SFXN1: variants seen among roughly 807,000 people sequenced by gnomAD.
SFXN1 encodes the protein sideroflexin 1, also known as sideroflexin-1.
A neutral mutation model predicts 39.5 loss-of-function variants in SFXN1; 32 were observed. The observed-to-expected ratio is 0.81, with a 90% CI of 0.61 to 1.09. The LOEUF (loss-of-function observed/expected upper bound fraction) is 1.09. SFXN1 is among the 50% of genes least tolerant of loss of function. The pLI, the probability that SFXN1 is intolerant of heterozygous loss-of-function variation, is 0.00. For missense variants in SFXN1, 402 were observed against 407.1 expected (o/e 0.99, Z 0.11); for synonymous variants, 136 against 146.5 (o/e 0.93, Z 0.52).
chr5:175,480,388 A>T (rs185471954), intron 1 of SFXN1, among the ~76,000 whole-genome samples: 1 of 151,652 alleles, frequency 6.6e-6, no homozygotes, highest in Middle Eastern at 3.2e-3. Context: ...GCGACAGAGC[A>T]AGACTCCGTC....
At chr5:175,515,056 T>C (rs1195646447) in intron 7 of SFXN1, among the ~76,000 whole-genome samples, 1 of 152,088 alleles carries the variant, frequency 6.6e-6, no homozygotes, top group Non-Finnish European at 1.5e-5. Flanking sequence ...GCCCTGTCCC[T>C]CAGGCTGGAG....
Position 175,510,126 on chromosome 5 carries a change from T to C in SFXN1, c.353T>C (p.Leu118Pro). 2 of 1,613,042 alleles carry C rather than the reference T, an allele frequency of 1.2e-6. No individual in the cohort carries two copies. The highest frequency in any genetic ancestry group is 1.1e-5 in the South Asian group (1 of 90,742). The change falls in exon 4 of 11, where the codon CTG becomes CCG. Residue 118 changes from leucine to proline, a missense_variant. Coordinates refer to ENST00000321442, the MANE Select transcript of SFXN1 (RefSeq NM_022754.7). ...TGTTTTAGGACTACGCCGGCTGTGC[T>C]GTTCTGGCAGTGGATTAACCAGTCC... ...MTFYRTTPAV[L>P]FWQWINQSFN...
chr5:175,526,520 A>G, intron 10 of SFXN1, 118 bp from the exon 11 acceptor site: 6 of 709,444 alleles, frequency 8.5e-6, no homozygotes, highest in Non-Finnish European at 1.5e-5. Flanking sequence ...CATTTCTCCA[A>G]CAAGACCCAC....
In SFXN1 at chr5:175,529,738, A is replaced by G. The variant is rs1275049875; in HGVS notation, c.*3004A>G. ...AATGTTAAATAAACTCAGAATGAAA[A>G]TAAATTCTCTCTTTTATTTGTACAT... On this transcript the variant is annotated 3_prime_UTR_variant, in exon 11 of 11. Transcript: ENST00000321442. 6.6e-6 allele frequency: 1 copy of G among 152,212 alleles called. No homozygotes were observed. Among genetic ancestry groups the G allele is most frequent in the African/African-American group, 2.4e-5 (1 of 41,438 alleles). 9.4% of individuals were successfully genotyped at this position (152,212 alleles called of 1,614,324 possible).
At chr5:175,502,499 T>G (rs1303821685) in intron 2 of SFXN1, among the ~76,000 whole-genome samples, 1 of 152,232 alleles carries the variant, frequency 6.6e-6, no homozygotes, top group Non-Finnish European at 1.5e-5. Flanking sequence ...TTTCCTTAGT[T>G]ATAATTTTGC....
intron 8 of SFXN1, among the ~76,000 whole-genome samples, chr5:175,517,606 T>C (rs896838853): frequency 9.9e-5 from 15 of 152,158 alleles, no homozygotes; most frequent in African/African-American, 3.6e-4. Context: ...ACTCCCCAAG[T>C]TCACAGTTGC....
At chr5:175,486,755 G>C (rs1321054533) in intron 1 of SFXN1, among the ~76,000 whole-genome samples, 1 of 152,130 alleles carries the variant, frequency 6.6e-6, no homozygotes, top group Non-Finnish European at 1.5e-5. Flanking sequence ...TCCAGCCTGG[G>C]TGACAGAGTG....
At chr5:175,522,269 C>T in intron 9 of SFXN1, 106 bp from the exon 10 acceptor site, 9 of 1,159,470 alleles carry the variant, frequency 7.8e-6, no homozygotes, top group South Asian at 1.7e-5. Context: ...CAACACAGAA[C>T]GTAATGCTCT....
intron 2 of SFXN1, among the ~76,000 whole-genome samples, chr5:175,500,464 G>GA (rs1466666197): frequency 7.0e-6 from 1 of 142,758 alleles, no homozygotes; most frequent in Non-Finnish European, 1.5e-5. Flanking sequence ...AAATTACAGA[G>GA]AAAAAAACAG....
chr5:175,504,020 AGGG>A (rs1760193744), intron 2 of SFXN1, among the ~76,000 whole-genome samples: 1 of 147,674 alleles, frequency 6.8e-6, no homozygotes, highest in Non-Finnish European at 1.5e-5. Context: ...AAAAAAAAAA[AGGG>A]ATCCTATGGA....
chr5:175,497,803 A>G (rs1759910042), intron 2 of SFXN1, among the ~76,000 whole-genome samples: 5 of 151,964 alleles, frequency 3.3e-5, no homozygotes, highest in Admixed American at 3.3e-4. Flanking sequence ...GGTGGCGGGC[A>G]CCTGTAATCC....
At chr5:175,507,922 G>A (rs929078736) in intron 2 of SFXN1, among the ~76,000 whole-genome samples, 20 of 150,012 alleles carry the variant, frequency 1.3e-4, no homozygotes, top group Non-Finnish European at 2.9e-4. Context: ...GCGGTGAGCT[G>A]AGATCATGCC....
intron 9 of SFXN1, 132 bp downstream of exon 9, chr5:175,522,100 C>A: frequency 4.2e-6 from 3 of 707,936 alleles, no homozygotes; most frequent in South Asian, 2.3e-5. Context: ...AATGCATGGC[C>A]CCAAATAATT....
At chr5:175,518,135 T>G (rs910956898) in intron 8 of SFXN1, among the ~76,000 whole-genome samples, 2 of 152,164 alleles carry the variant, frequency 1.3e-5, no homozygotes, top group Non-Finnish European at 2.9e-5. Flanking sequence ...GTTCACCGCC[T>G]AAAATCTGGT....
intron 2 of SFXN1, among the ~76,000 whole-genome samples, chr5:175,498,744 C>A: frequency 6.6e-6 from 1 of 151,876 alleles, no homozygotes. Context: ...TTTTAAAAAT[C>A]TTAGTGAAAT....
intron 2 of SFXN1, chr5:175,492,589 T>C (rs1759701318): frequency 9.9e-6 from 2 of 201,274 alleles, no homozygotes; most frequent in South Asian, 2.4e-4. Context: ...CCACAACCCC[T>C]CCGTGCATTT....
At chr5:175,492,301 T>C in intron 2 of SFXN1, 34 bp downstream of exon 2, 1 of 1,522,462 alleles carries the variant, frequency 6.6e-7, no homozygotes, top group Non-Finnish European at 8.8e-7. Flanking sequence ...GTTTAATGTA[T>C]AAATAGATCA....
At chr5:175,499,709 T>A (rs866237606) in intron 2 of SFXN1, among the ~76,000 whole-genome samples, 4 of 152,332 alleles carry the variant, frequency 2.6e-5, no homozygotes, top group Non-Finnish European at 4.4e-5. Flanking sequence ...TATGAATACG[T>A]TCCTCCTAAG....
chr5:175,490,441 G>A (rs1759613888), intron 1 of SFXN1, among the ~76,000 whole-genome samples: 1 of 152,118 alleles, frequency 6.6e-6, no homozygotes, highest in Admixed American at 6.5e-5. Flanking sequence ...TGATCCTGTG[G>A]TCCATGATAT....
Sources: allele counts gnomAD v4.1 joint callset (sites outside exome capture counted in the v4.1 genomes callset), GRCh38; gene constraint gnomAD v4.1.1; transcripts MANE v1.5; gene names NCBI Gene and HGNC (gene_info 2026-07-23, HGNC 2026-07-21).